Variants in RPH3A observed in about 807,000 individuals in gnomAD.
RPH3A encodes rabphilin-3A.
RPH3A carries 48 observed loss-of-function variants against 102.2 expected under a neutral mutation model. The observed-to-expected ratio is 0.47, with a 90% CI of 0.37 to 0.60. The LOEUF is 0.60. Among genes scored for constraint, RPH3A ranks in the 20% least tolerant of loss-of-function variants. RPH3A has a pLI of 0.00. For missense variants in RPH3A, 781 were observed against 910.1 expected (o/e 0.86, Z 1.83); for synonymous variants, 310 against 324.3 (o/e 0.96, Z 0.47).
chr12:112,698,566 T>C (rs2040368609), intron 1 of RPH3A, among the ~76,000 whole-genome samples: 1 of 148,050 alleles, frequency 6.8e-6, no homozygotes, highest in East Asian at 2.0e-4. Flanking sequence ...AATTTGACTT[T>C]ATAAAAATGT....
At chr12:112,748,904 A>G (rs185809317) in intron 1 of RPH3A, among the ~76,000 whole-genome samples, 28 of 152,068 alleles carry the variant, frequency 1.8e-4, no homozygotes, top group Admixed American at 5.9e-4. Context: ...AATTATGCCA[A>G]TTCCCAAGAT....
chr12:112,657,558 A>G (rs989187368), intron 1 of RPH3A, among the ~76,000 whole-genome samples: 8 of 152,178 alleles, frequency 5.3e-5, no homozygotes, highest in Non-Finnish European at 1.5e-5. Flanking sequence ...GTAATGCGTT[A>G]TGCTATGATC....
intron 3 of RPH3A, among the ~76,000 whole-genome samples, chr12:112,828,798 G>A (rs2041922424): frequency 6.6e-6 from 1 of 152,248 alleles, no homozygotes; most frequent in Admixed American, 6.5e-5. Context: ...CTGACTTGCA[G>A]AAGTGTATGT....
intron 2 of RPH3A, among the ~76,000 whole-genome samples, chr12:112,825,138 G>A (rs1219695850): frequency 1.3e-5 from 2 of 151,754 alleles, no homozygotes; most frequent in Non-Finnish European, 2.9e-5. Flanking sequence ...CTCACCACAG[G>A]CAATAATGAG....
At chr12:112,589,502 A>G (rs536967249) in intron 1 of RPH3A, among the ~76,000 whole-genome samples, 2 of 152,224 alleles carry the variant, frequency 1.3e-5, no homozygotes, top group South Asian at 4.1e-4. Flanking sequence ...TCAGCCTGGA[A>G]TGCTCTTCCC....
intron 1 of RPH3A, among the ~76,000 whole-genome samples, chr12:112,732,790 G>A (rs2040643615): frequency 6.6e-6 from 1 of 152,094 alleles, no homozygotes; most frequent in Non-Finnish European, 1.5e-5. Flanking sequence ...TGTGGCTTTG[G>A]GTAAGGTGGC....
chr12:112,738,594 G>A (rs1377707144), intron 1 of RPH3A, among the ~76,000 whole-genome samples: 1 of 152,146 alleles, frequency 6.6e-6, no homozygotes, highest in Non-Finnish European at 1.5e-5. Flanking sequence ...CTGCATGGGT[G>A]TAGAAGGGGG....
intron 15 of RPH3A, among the ~76,000 whole-genome samples, chr12:112,882,382 G>A (rs2042930043): frequency 1.3e-5 from 2 of 152,104 alleles, no homozygotes; most frequent in African/African-American, 4.8e-5. Context: ...CAGAGTATAT[G>A]GCTGGAAATG....
At chr12:112,716,113 T>C (rs2040511669) in intron 1 of RPH3A, among the ~76,000 whole-genome samples, 1 of 152,222 alleles carries the variant, frequency 6.6e-6, no homozygotes, top group South Asian at 2.1e-4. Flanking sequence ...GTTACTTTTG[T>C]TGCCATCTTG....
intron 16 of RPH3A, among the ~76,000 whole-genome samples, chr12:112,886,792 A>G (rs1189133805): frequency 6.6e-6 from 1 of 152,232 alleles, no homozygotes; most frequent in Non-Finnish European, 1.5e-5. Context: ...TCTGGGCCCC[A>G]GTATCTTCTC....
At chr12:112,731,965 C>T (rs4767002) in intron 1 of RPH3A, among the ~76,000 whole-genome samples, 85,976 of 152,062 alleles carry the variant, frequency 0.57, 24,441 homozygotes, top group East Asian at 0.78. Flanking sequence ...TTTCAGTGGG[C>T]TGGGAAGCCT....
intron 2 of RPH3A, among the ~76,000 whole-genome samples, chr12:112,825,348 C>A (rs2041848874): frequency 6.6e-6 from 1 of 152,120 alleles, no homozygotes; most frequent in Non-Finnish European, 1.5e-5. Flanking sequence ...TTCTCACACA[C>A]AAAGATTGAA....
intron 4 of RPH3A, among the ~76,000 whole-genome samples, chr12:112,838,652 C>A (rs2042093938): frequency 6.6e-6 from 1 of 152,180 alleles, no homozygotes; most frequent in South Asian, 2.1e-4. Context: ...CCTTCATGCC[C>A]CGACAGCATT....
chr12:112,753,185 T>C (rs773749199), intron 1 of RPH3A, among the ~76,000 whole-genome samples: 61 of 152,148 alleles, frequency 4.0e-4, no homozygotes, highest in Non-Finnish European at 4.7e-4. Flanking sequence ...ACTCCTGCTT[T>C]TCCATTATGG....
intron 1 of RPH3A, among the ~76,000 whole-genome samples, chr12:112,582,239 A>G (rs1477772578): frequency 2.0e-5 from 3 of 146,946 alleles, no homozygotes; most frequent in Non-Finnish European, 4.5e-5. Context: ...GTCTTCATGA[A>G]CATTATGATT....
intron 1 of RPH3A, among the ~76,000 whole-genome samples, chr12:112,724,984 C>T (rs1207984495): frequency 1.3e-5 from 2 of 149,082 alleles, no homozygotes; most frequent in Admixed American, 6.7e-5. Context: ...AAAATTGGCT[C>T]ATGCCTGTAA....
At chr12:112,717,827 T>G (rs1278744362) in intron 1 of RPH3A, among the ~76,000 whole-genome samples, 2 of 152,114 alleles carry the variant, frequency 1.3e-5, no homozygotes, top group East Asian at 3.9e-4. Flanking sequence ...TTTTCCATGG[T>G]GGGTGTACCA....
At chr12:112,847,984 G>GC in intron 5 of RPH3A, 142 bp downstream of exon 5, 1 of 804,704 alleles carries the variant, frequency 1.2e-6, no homozygotes, top group African/African-American at 1.7e-5. Flanking sequence ...CCACCTCCCC[G>GC]CCCCACCCCC....
rs921109957 is a variant in RPH3A at position 112,725,273 on chromosome 12, A to C, written c.-139-66870A>C. 9.2e-5 allele frequency among the ~76,000 whole-genome samples: 14 copies of C among 151,484 alleles called. No individual in the cohort carries two copies. In the East Asian group the frequency reaches 1.4e-3, roughly 15 times the overall value. On this transcript the variant is annotated intron_variant, in intron 1 of 21. Coordinates refer to the RPH3A transcript ENST00000543106. The stretch of plus-strand genomic sequence containing the variant: ...CAGAAAAAAAAAAAAAAAAAAAAAA[A>C]AAAAAACACGTTTTAATGAATAAAT...
Sources: gnomAD v4.1 joint callset for allele counts (sites outside exome capture counted in the v4.1 genomes callset) on GRCh38, gnomAD v4.1.1 for gene constraint, MANE v1.5 for transcripts, NCBI Gene and HGNC (gene_info 2026-07-23, HGNC 2026-07-21) for gene names.